Variants in PIGU observed in about 807,000 individuals in gnomAD.
The protein encoded by PIGU is phosphatidylinositol glycan anchor biosynthesis class U.
Under a neutral mutation model 49.9 loss-of-function variants are expected in PIGU, and 24 were observed. The observed-to-expected ratio is 0.48, with a 90% CI of 0.35 to 0.68. PIGU has a LOEUF of 0.68. Ranked by LOEUF, PIGU falls within the 30% of genes least tolerant of loss-of-function variation. PIGU has a pLI of 0.01. For missense variants in PIGU, 490 were observed against 532.6 expected (o/e 0.92, Z 0.79); for synonymous variants, 220 against 205.7 (o/e 1.07, Z -0.59).
intron 7 of PIGU, among the ~76,000 whole-genome samples, chr20:34,606,115 C>T (rs1336497510): frequency 1.3e-5 from 2 of 151,944 alleles, no homozygotes; most frequent in Non-Finnish European, 2.9e-5. Flanking sequence ...ATTAGCCAGG[C>T]GTGGTGGCAG....
intron 7 of PIGU, among the ~76,000 whole-genome samples, chr20:34,600,143 AG>A (rs1452617638): frequency 6.6e-6 from 1 of 152,222 alleles, no homozygotes; most frequent in African/African-American, 2.4e-5. Flanking sequence ...ATGGTGGCTC[AG>A]GCCTGTAATT....
rs1211608278 is a variant in PIGU at position 34,590,095 on chromosome 20, C to CA, written c.628-1489dup. 3.8e-3 allele frequency among the ~76,000 whole-genome samples: 485 copies of CA among 127,686 alleles called. 1 individual carries two copies. Among genetic ancestry groups the CA allele is most frequent in the African/African-American group, 4.8e-3 (166 of 34,686 alleles). 83.8% of individuals were successfully genotyped at this position (127,686 alleles called of 152,430 possible). ...TTTCCTCTCTTAAAAATGTTTTCCT[C>CA]AAAAAAAAAAAAAGATGCTGGGGGA... On this transcript the variant is annotated intron_variant, in intron 7 of 11. Transcript: ENST00000217446.
chr20:34,648,363 T>C (rs1417565901), intron 2 of PIGU, among the ~76,000 whole-genome samples: 1 of 152,056 alleles, frequency 6.6e-6, no homozygotes, highest in Non-Finnish European at 1.5e-5. Context: ...ATCTTCTGGG[T>C]GCAGTGATCT....
intron 2 of PIGU, among the ~76,000 whole-genome samples, chr20:34,650,329 G>A (rs1035134002): frequency 2.0e-5 from 3 of 151,872 alleles, no homozygotes; most frequent in South Asian, 2.1e-4. Context: ...GGAGGGCAAC[G>A]GCACAATCTC....
intron 7 of PIGU, among the ~76,000 whole-genome samples, chr20:34,597,308 G>T (rs1274630957): frequency 6.6e-6 from 1 of 152,120 alleles, no homozygotes; most frequent in East Asian, 1.9e-4. Context: ...CAATAAAAAA[G>T]AATACATGCA....
chr20:34,669,168 T>A (rs1176132785), intron 1 of PIGU, among the ~76,000 whole-genome samples: 1 of 152,070 alleles, frequency 6.6e-6, no homozygotes, highest in Non-Finnish European at 1.5e-5. Context: ...ATTATAGGCA[T>A]AGCCACTGTG....
At chr20:34,612,940 C>T (rs144468034) in intron 7 of PIGU, among the ~76,000 whole-genome samples, 365 of 151,886 alleles carry the variant, frequency 2.4e-3, no homozygotes, top group African/African-American at 8.3e-3. Flanking sequence ...TTCATAGCAG[C>T]GTAAGAATGG....
At chr20:34,613,647 T>C (rs1234247916) in intron 7 of PIGU, among the ~76,000 whole-genome samples, 1 of 152,248 alleles carries the variant, frequency 6.6e-6, no homozygotes, top group Non-Finnish European at 1.5e-5. Flanking sequence ...TATATATTCT[T>C]AGTGCTTAGA....
chr20:34,585,387 G>C (rs897120479), intron 9 of PIGU, 50 bp downstream of exon 9: 4 of 1,578,522 alleles, frequency 2.5e-6, no homozygotes, highest in Non-Finnish European at 3.5e-6. Flanking sequence ...AGAGGCAGGG[G>C]CTTCTCGGAC....
chr20:34,631,789 T>A (rs1259469579), intron 6 of PIGU, among the ~76,000 whole-genome samples: 18 of 8,900 alleles, frequency 2.0e-3, no homozygotes, highest in Non-Finnish European at 2.5e-3. Flanking sequence ...ATATATATTT[T>A]TTTTTTTTTT....
At chr20:34,625,712 CA>C (rs536868098) in intron 6 of PIGU, among the ~76,000 whole-genome samples, 2,550 of 84,218 alleles carry the variant, frequency 0.03, 61 homozygotes, top group African/African-American at 0.09. Context: ...GACTCTGTCT[CA>C]AAAAAAAAAA....
At chr20:34,646,970 G>A (rs1201981808) in intron 2 of PIGU, among the ~76,000 whole-genome samples, 5 of 151,698 alleles carry the variant, frequency 3.3e-5, no homozygotes, top group Non-Finnish European at 5.9e-5. Flanking sequence ...GATTACAGGT[G>A]CCTGCCACCA....
intron 11 of PIGU, among the ~76,000 whole-genome samples, chr20:34,562,986 C>T (rs1397348019): frequency 1.3e-5 from 2 of 152,186 alleles, no homozygotes; most frequent in Admixed American, 6.5e-5. Context: ...ACAATCAAAA[C>T]GAAGCAACTC....
intron 7 of PIGU, among the ~76,000 whole-genome samples, chr20:34,593,343 A>G (rs1600609408): frequency 2.8e-4 from 1 of 3,578 alleles, no homozygotes; most frequent in African/African-American, 1.2e-3. Context: ...GTCTTAAAGA[A>G]AAAAAAAAAA....
intron 6 of PIGU, among the ~76,000 whole-genome samples, chr20:34,621,513 G>A (rs1453286703): frequency 1.3e-5 from 2 of 152,188 alleles, no homozygotes; most frequent in Non-Finnish European, 2.9e-5. Flanking sequence ...GTAGGTTGGT[G>A]TGTGGGAAGT....
chr20:34,675,263 AAAAAAAGAG>A (rs1258904912), intron 1 of PIGU, among the ~76,000 whole-genome samples: 1 of 132,856 alleles, frequency 7.5e-6, no homozygotes, highest in Non-Finnish European at 1.6e-5. Context: ...AAAAAAAAAA[AAAAAAAGAG>A]AGAGAGAGAA....
At chr20:34,644,350 G>A in intron 3 of PIGU, 124 bp from the exon 4 acceptor site, 1 of 722,544 alleles carries the variant, frequency 1.4e-6, no homozygotes. Flanking sequence ...TTACAATCAG[G>A]TAGAACTTCA....
At chr20:34,663,011 G>A (rs776558891) in intron 1 of PIGU, among the ~76,000 whole-genome samples, 4 of 152,024 alleles carry the variant, frequency 2.6e-5, no homozygotes, top group Non-Finnish European at 5.9e-5. Context: ...GGGCACAAGC[G>A]ATCATCCCAC....
chr20:34,655,965 A>ATTT (rs1986684081), intron 2 of PIGU, among the ~76,000 whole-genome samples: 1 of 102,528 alleles, frequency 9.8e-6, no homozygotes, highest in South Asian at 2.7e-4. Flanking sequence ...TGTTTTCACT[A>ATTT]TTCTTTTTTT....
Sources: allele counts gnomAD v4.1 joint callset (sites outside exome capture counted in the v4.1 genomes callset), GRCh38; gene constraint gnomAD v4.1.1; transcripts MANE v1.5; gene names NCBI Gene and HGNC (gene_info 2026-07-23, HGNC 2026-07-21).